Variants in ASTN2 observed in about 807,000 individuals in gnomAD.
ASTN2 encodes astrotactin-2.
In ASTN2, 54 loss-of-function variants were observed where a neutral mutation model predicts 139.8. The ratio of observed to expected loss-of-function variants is 0.39; its 90% CI spans 0.31 to 0.48. The LOEUF (loss-of-function observed/expected upper bound fraction) is 0.48. ASTN2 is among the 20% of genes least tolerant of loss of function. The pLI, the probability that ASTN2 is intolerant of heterozygous loss-of-function variation, is 0.95. For missense variants in ASTN2, 1,565 were observed against 1,725.1 expected, an observed-to-expected ratio of 0.91 and a Z score of 1.64; for synonymous variants, 756 against 719.5, an observed-to-expected ratio of 1.05 and a Z score of -0.81.
chr9:117,352,111 C>A (rs1290795792), intron 1 of ASTN2, among the ~76,000 whole-genome samples: 1 of 152,042 alleles, frequency 6.6e-6, no homozygotes, highest in African/African-American at 2.4e-5. Flanking sequence ...AGAAACAGTC[C>A]CTTGAATCTC....
At chr9:116,703,081 T>TTA (rs1156410033) in intron 16 of ASTN2, among the ~76,000 whole-genome samples, 1 of 151,684 alleles carries the variant, frequency 6.6e-6, no homozygotes, top group East Asian at 1.9e-4. Flanking sequence ...TTGAACTAGT[T>TTA]TACAGTCCCA....
chr9:117,272,561 T>G (rs1009296386), intron 2 of ASTN2, among the ~76,000 whole-genome samples: 3 of 152,242 alleles, frequency 2.0e-5, no homozygotes, highest in African/African-American at 7.2e-5. Context: ...TTTTCTGAAC[T>G]GTTATGCTGT....
chr9:116,866,748 G>T (rs1429319579), intron 10 of ASTN2, among the ~76,000 whole-genome samples: 1 of 151,936 alleles, frequency 6.6e-6, no homozygotes, highest in African/African-American at 2.4e-5. Flanking sequence ...CAATATAGTA[G>T]CCAGGTGTGG....
chr9:116,680,874 G>C (rs1588185474), intron 16 of ASTN2, among the ~76,000 whole-genome samples: 3 of 152,026 alleles, frequency 2.0e-5, no homozygotes, highest in African/African-American at 4.8e-5. Flanking sequence ...GGACGTATTT[G>C]AAAATAACAA....
chr9:117,142,435 TC>T (rs1830097298), intron 3 of ASTN2, among the ~76,000 whole-genome samples: 1 of 152,152 alleles, frequency 6.6e-6, no homozygotes, highest in African/African-American at 2.4e-5. Flanking sequence ...TGTGGATATG[TC>T]GATCACTTAG....
chr9:117,380,175 C>A (rs537834533), intron 1 of ASTN2, among the ~76,000 whole-genome samples: 2 of 152,272 alleles, frequency 1.3e-5, no homozygotes, highest in Admixed American at 1.3e-4. Context: ...TCTGAAAATA[C>A]AATAGAAGGG....
chr9:116,533,391 C>G (rs56026774), intron 19 of ASTN2, among the ~76,000 whole-genome samples: 31,077 of 152,110 alleles, frequency 0.2, 3,322 homozygotes, highest in Non-Finnish European at 0.23. Flanking sequence ...GAACTCCCAA[C>G]GCTATGTTGA....
At chr9:117,088,963 C>G (rs1828636188) in intron 5 of ASTN2, among the ~76,000 whole-genome samples, 3 of 152,308 alleles carry the variant, frequency 2.0e-5, no homozygotes, top group African/African-American at 7.2e-5. Context: ...ACCACCTGCA[C>G]TTCTCATCTG....
chr9:117,358,261 GAC>G (rs67475291), intron 1 of ASTN2, among the ~76,000 whole-genome samples: 77,690 of 146,464 alleles, frequency 0.53, 20,570 homozygotes, highest in South Asian at 0.62. Context: ...TACATGTGCA[GAC>G]ACACACACAC....
chr9:117,345,123 G>C (rs897466942), intron 1 of ASTN2, among the ~76,000 whole-genome samples: 7 of 152,230 alleles, frequency 4.6e-5, no homozygotes, highest in Middle Eastern at 3.4e-3. Flanking sequence ...AAGGAGCCCA[G>C]GAGAGGACTG....
At chr9:116,854,948 G>A (rs1016840689) in intron 11 of ASTN2, among the ~76,000 whole-genome samples, 6 of 150,886 alleles carry the variant, frequency 4.0e-5, no homozygotes, top group Admixed American at 6.6e-5. Flanking sequence ...CACCGCGCCC[G>A]GCCTCCCTTC....
intron 10 of ASTN2, among the ~76,000 whole-genome samples, chr9:116,875,777 T>G (rs2132359766): frequency 6.6e-6 from 1 of 152,332 alleles, no homozygotes; most frequent in East Asian, 1.9e-4. Context: ...ATGCTAAATC[T>G]ACTCTGCCTG....
At chr9:116,497,069 G>A (rs1849691788) in intron 19 of ASTN2, among the ~76,000 whole-genome samples, 1 of 152,130 alleles carries the variant, frequency 6.6e-6, no homozygotes, top group Non-Finnish European at 1.5e-5. Flanking sequence ...TTGCACACTG[G>A]CCTAGGGAGC....
At chr9:116,606,804 T>C (rs1855231528) in intron 19 of ASTN2, among the ~76,000 whole-genome samples, 1 of 152,206 alleles carries the variant, frequency 6.6e-6, no homozygotes, top group East Asian at 1.9e-4. Context: ...AGGTGCTGTT[T>C]TTCCCATTCC....
chr9:116,925,393 G>A (rs1834725368), intron 10 of ASTN2, among the ~76,000 whole-genome samples: 1 of 152,208 alleles, frequency 6.6e-6, no homozygotes, highest in African/African-American at 2.4e-5. Flanking sequence ...CATTTTTCAA[G>A]TAGCTGTGTA....
At chr9:116,641,629 T>A (rs1465090174) in intron 17 of ASTN2, among the ~76,000 whole-genome samples, 1 of 152,202 alleles carries the variant, frequency 6.6e-6, no homozygotes, top group East Asian at 1.9e-4. Flanking sequence ...TAATAACTAA[T>A]TCAATGTCCC....
intron 1 of ASTN2, among the ~76,000 whole-genome samples, chr9:117,307,739 C>T (rs1466316768): frequency 6.6e-6 from 1 of 152,196 alleles, no homozygotes; most frequent in East Asian, 1.9e-4. Flanking sequence ...AACCCAAGGG[C>T]ATACCCAAGC....
chr9:116,596,048 A>G (rs78906828), intron 19 of ASTN2, among the ~76,000 whole-genome samples: 3 of 152,282 alleles, frequency 2.0e-5, no homozygotes, highest in Non-Finnish European at 4.4e-5. Context: ...CGACAAATAA[A>G]TGGATGAAGA....
chr9:117,250,440 A>C (rs1833506735), intron 2 of ASTN2, among the ~76,000 whole-genome samples: 1 of 152,228 alleles, frequency 6.6e-6, no homozygotes, highest in African/African-American at 2.4e-5. Flanking sequence ...GGGCAGGATA[A>C]TTTTTATCAG....
Sources: allele counts gnomAD v4.1 joint callset (sites outside exome capture counted in the v4.1 genomes callset), GRCh38; gene constraint gnomAD v4.1.1; transcripts MANE v1.5; gene names NCBI Gene and HGNC (gene_info 2026-07-23, HGNC 2026-07-21).